The following HDAC9 variants were observed in gnomAD, a reference collection of about 807,000 sequenced individuals.
The protein encoded by HDAC9 is histone deacetylase 9, also known as MEF-2 interacting transcription repressor (MITR) protein.
In HDAC9, 41 loss-of-function variants were observed where a neutral mutation model predicts 139.4. That is an observed-to-expected ratio of 0.29 (90% CI 0.23 to 0.38). The LOEUF is 0.38. HDAC9 is among the 10% of genes least tolerant of loss of function. The pLI is 1.00. For missense variants in HDAC9, 1,147 were observed against 1,297.0 expected, an observed-to-expected ratio of 0.88 and a Z score of 1.78; for synonymous variants, 517 against 476.2, an observed-to-expected ratio of 1.09 and a Z score of -1.12.
rs182571543 is a variant in HDAC9 at position 18,782,528 on chromosome 7, C to T, written c.2215-10817C>T. The stretch of plus-strand genomic sequence containing the variant: ...GCTATGCTGGATGTGCTTGGAAAAG[C>T]CTGCAAAGACCCACATTCACTCAGG... On this transcript the variant is annotated intron_variant, in intron 16 of 25. Coordinates refer to ENST00000686413, the MANE Select transcript of HDAC9 (RefSeq NM_178425.4). 2.9e-3 allele frequency among the ~76,000 whole-genome samples: 441 copies of T among 152,124 alleles called. 2 individuals are homozygous for T. Among genetic ancestry groups the T allele is most frequent in the African/African-American group, 0.01 (423 of 41,538 alleles).
intron 2 of HDAC9, among the ~76,000 whole-genome samples, chr7:18,511,768 C>G (rs1310875370): frequency 2.0e-5 from 3 of 152,132 alleles, no homozygotes; most frequent in Non-Finnish European, 4.4e-5. Flanking sequence ...ATGAGACCCA[C>G]TTTCTTCACA....
chr7:18,130,603 A>G (rs74716260), intron 1 of HDAC9, among the ~76,000 whole-genome samples: 2,122 of 152,254 alleles, frequency 0.014, 48 homozygotes, highest in African/African-American at 0.048. Context: ...ACCCATCACT[A>G]CAATCAATTT....
At chr7:18,736,742 G>A (rs1396120424) in intron 13 of HDAC9, among the ~76,000 whole-genome samples, 2 of 152,202 alleles carry the variant, frequency 1.3e-5, no homozygotes, top group African/African-American at 4.8e-5. Flanking sequence ...GATGAAGCTG[G>A]CCTCATAAAA....
intron 17 of HDAC9, among the ~76,000 whole-genome samples, chr7:18,821,068 T>A (rs1423253640): frequency 6.6e-6 from 1 of 152,192 alleles, no homozygotes; most frequent in East Asian, 1.9e-4. Context: ...AAATGGCACT[T>A]TGTTGCTGCA....
intron 17 of HDAC9, among the ~76,000 whole-genome samples, chr7:18,812,443 C>T (rs1375910727): frequency 6.6e-6 from 1 of 151,850 alleles, no homozygotes; most frequent in Non-Finnish European, 1.5e-5. Flanking sequence ...TTAATATTAT[C>T]ATTTGATATA....
At chr7:18,237,434 G>A (rs1180217222) in intron 2 of HDAC9, among the ~76,000 whole-genome samples, 1 of 152,020 alleles carries the variant, frequency 6.6e-6, no homozygotes, top group Non-Finnish European at 1.5e-5. Flanking sequence ...ATGGTACTGG[G>A]GTATTGGTTA....
intron 23 of HDAC9, 84 bp downstream of exon 23, chr7:18,936,026 C>A: frequency 7.4e-7 from 1 of 1,347,302 alleles, no homozygotes; most frequent in Non-Finnish European, 1.0e-6. Context: ...AAAAATTCTG[C>A]ATACTCAGAA....
chr7:18,222,631 CTTG>C (rs954551872), intron 2 of HDAC9, among the ~76,000 whole-genome samples: 7 of 152,098 alleles, frequency 4.6e-5, no homozygotes, highest in African/African-American at 1.2e-4. Context: ...TTTTCCAGAA[CTTG>C]TTATTTGCAA....
At chr7:18,724,348 T>A (rs988170406) in intron 12 of HDAC9, among the ~76,000 whole-genome samples, 1 of 152,178 alleles carries the variant, frequency 6.6e-6, no homozygotes, top group African/African-American at 2.4e-5. Flanking sequence ...TACAAACCTG[T>A]ACAGCATGTT....
intron 2 of HDAC9, among the ~76,000 whole-genome samples, chr7:18,235,369 C>T (rs1206621884): frequency 6.6e-6 from 1 of 151,928 alleles, no homozygotes; most frequent in Non-Finnish European, 1.5e-5. Flanking sequence ...AACGAACTCT[C>T]TGAAAACAAT....
intron 9 of HDAC9, 99 bp from the exon 10 acceptor site, chr7:18,647,686 T>G (rs1423606321): frequency 1.0e-6 from 1 of 999,922 alleles, no homozygotes; most frequent in South Asian, 1.8e-5. Context: ...GGCTTTTGTT[T>G]TGGGAAGCTA....
chr7:18,685,865 A>G (rs1196155522), intron 12 of HDAC9, among the ~76,000 whole-genome samples: 1 of 152,050 alleles, frequency 6.6e-6, no homozygotes. Context: ...AAAATAGTGT[A>G]GAATGGCAAA....
At chr7:18,217,577 A>T (rs914082489) in intron 2 of HDAC9, among the ~76,000 whole-genome samples, 1 of 152,142 alleles carries the variant, frequency 6.6e-6, no homozygotes, top group African/African-American at 2.4e-5. Flanking sequence ...TTTAATATGG[A>T]GTTGAACCAA....
At chr7:18,521,436 A>G (rs1804991005) in intron 2 of HDAC9, among the ~76,000 whole-genome samples, 1 of 152,206 alleles carries the variant, frequency 6.6e-6, no homozygotes, top group Admixed American at 6.5e-5. Flanking sequence ...GATTTGTCAC[A>G]ATATAGATCA....
At chr7:18,772,744 C>T (rs1382573715) in intron 16 of HDAC9, among the ~76,000 whole-genome samples, 3 of 152,068 alleles carry the variant, frequency 2.0e-5, no homozygotes, top group African/African-American at 7.2e-5. Flanking sequence ...CTAGCAAGAA[C>T]ACCCCATGGC....
In HDAC9 at chr7:18,548,697, C is replaced by A. The variant is rs1816055354; in HGVS notation, c.23-36584C>A. ...TCAACAGTAAAATAAACAACCAGAG[C>A]AATAAGGAAATGGGCAAAAATATTA... On this transcript the variant is annotated intron_variant, in intron 2 of 25. Coordinates refer to ENST00000686413, the MANE Select transcript of HDAC9 (RefSeq NM_178425.4). Among the ~76,000 whole-genome samples the A allele has an allele frequency of 4.0e-5, 6 of 151,712 alleles. No homozygotes were observed. The South Asian group carries it at 1.3e-3, about 32-fold the overall frequency.
At chr7:18,988,312 C>A (rs1265085069) in intron 25 of HDAC9, among the ~76,000 whole-genome samples, 1 of 151,972 alleles carries the variant, frequency 6.6e-6, no homozygotes, top group South Asian at 2.1e-4. Flanking sequence ...GCCTTCATTT[C>A]GTTATGTACC....
chr7:18,905,744 G>T (rs1802175772), intron 22 of HDAC9, among the ~76,000 whole-genome samples: 1 of 152,136 alleles, frequency 6.6e-6, no homozygotes. Context: ...AAGTATTTCA[G>T]CCATCTGTGC....
At chr7:18,289,285 T>G (rs1797653494), upstream of HDAC9, among the ~76,000 whole-genome samples, 1 of 152,172 alleles carries the variant, frequency 6.6e-6, no homozygotes, top group African/African-American at 2.4e-5. Flanking sequence ...TTCTTAGATC[T>G]AATTATAAAA....
Sources: gnomAD v4.1 joint callset for allele counts (sites outside exome capture counted in the v4.1 genomes callset) on GRCh38, gnomAD v4.1.1 for gene constraint, MANE v1.5 for transcripts, NCBI Gene and HGNC (gene_info 2026-07-23, HGNC 2026-07-21) for gene names.